Variants in C6 observed in about 807,000 individuals in gnomAD.
C6 encodes complement component C6.
C6 carries 101 observed loss-of-function variants against 112.9 expected under a neutral mutation model. The ratio of observed to expected loss-of-function variants is 0.89; its 90% CI spans 0.76 to 1.06. C6 has a LOEUF of 1.06. C6 is among the 50% of genes least tolerant of loss of function. The probability of loss-of-function intolerance (pLI) is 0.00; values close to 1 mark genes in which losing one functional copy is unlikely to be tolerated. For missense variants in C6, 1,202 were observed against 1,104.6 expected (o/e 1.09, Z -1.25); for synonymous variants, 431 against 384.1 (o/e 1.12, Z -1.43).
At chr5:41,224,084 C>T (rs1476615473) in intron 1 of C6, among the ~76,000 whole-genome samples, 1 of 152,128 alleles carries the variant, frequency 6.6e-6, no homozygotes, top group Non-Finnish European at 1.5e-5. Flanking sequence ...ATTTAAAGTG[C>T]ACGACATGAT....
At chr5:41,206,852 T>A (rs570399310) in intron 1 of C6, among the ~76,000 whole-genome samples, 1 of 152,258 alleles carries the variant, frequency 6.6e-6, no homozygotes, top group East Asian at 1.9e-4. Context: ...CAGGCCAACA[T>A]TCAAATTCAG....
At chr5:41,238,411 C>A (rs2150422066) in intron 1 of C6, among the ~76,000 whole-genome samples, 1 of 152,196 alleles carries the variant, frequency 6.6e-6, no homozygotes, top group Non-Finnish European at 1.5e-5. Context: ...ACAGAGCCTT[C>A]AGAAATAATG....
At position 41,149,615 on chromosome 5, in the gene C6, G is replaced by A; in HGVS notation, c.2382-133C>T. 2.6e-6 allele frequency: 3 copies of A among 1,137,210 alleles called. No homozygotes were observed. The South Asian group carries it at 3.8e-5, about 14-fold the overall frequency. 70.4% of individuals were successfully genotyped at this position (1,137,210 alleles called of 1,614,324 possible). ...TTTCCCCACCCCACTCCAAGCCCTGGGCTTGAGTGAGAGGAACAGGAAAGT... is the reference window on the plus strand; with the variant it reads ...TTTCCCCACCCCACTCCAAGCCCTGAGCTTGAGTGAGAGGAACAGGAAAGT... On this transcript the variant is annotated intron_variant, in intron 16 of 17. Coordinates refer to ENST00000337836, the MANE Select transcript of C6 (RefSeq NM_000065.5).
intron 1 of C6, among the ~76,000 whole-genome samples, chr5:41,227,266 T>C (rs1739574083): frequency 6.6e-6 from 1 of 152,160 alleles, no homozygotes; most frequent in Non-Finnish European, 1.5e-5. Context: ...TTTTGAGAAA[T>C]GTCTGTTCAG....
intron 1 of C6, among the ~76,000 whole-genome samples, chr5:41,206,107 G>C (rs937619115): frequency 6.6e-6 from 1 of 152,142 alleles, no homozygotes; most frequent in African/African-American, 2.4e-5. Context: ...AGGCAAACAG[G>C]GTCAGGAGTG....
intron 10 of C6, 121 bp downstream of exon 10, chr5:41,161,572 C>T: frequency 1.2e-6 from 1 of 848,124 alleles, no homozygotes; most frequent in Non-Finnish European, 2.0e-6. Flanking sequence ...TGCATGAATA[C>T]TAAAGAAAGG....
At chr5:41,251,063 C>T (rs1741327037) in intron 1 of C6, among the ~76,000 whole-genome samples, 1 of 152,076 alleles carries the variant, frequency 6.6e-6, no homozygotes, top group Admixed American at 6.6e-5. Context: ...CACAAATCAC[C>T]CATCTTGAGT....
At chr5:41,250,922 C>T (rs1286341298) in intron 1 of C6, among the ~76,000 whole-genome samples, 4 of 152,178 alleles carry the variant, frequency 2.6e-5, no homozygotes, top group South Asian at 2.1e-4. Context: ...ATGTTTAAAG[C>T]CTTTCAATAT....
In C6 at chr5:41,244,572, C is replaced by T. The variant is rs567411941; in HGVS notation, c.-21+16622G>A. Among the ~76,000 whole-genome samples, 9 of 152,292 alleles carry T rather than the reference C, an allele frequency of 5.9e-5. No individual in the cohort carries two copies. The South Asian group carries it at 6.2e-4, about 11-fold the overall frequency. ...TTGCTTCAATAACTACCTGCACAGA[C>T]GTGGCTCCCAAATTTATAATTCTAA... is the stretch of plus-strand genomic sequence containing the variant. On this transcript the variant is annotated intron_variant, in intron 1 of 17. Coordinates refer to the C6 transcript ENST00000263413.
At chr5:41,255,245 C>A (rs565823306) in intron 1 of C6, among the ~76,000 whole-genome samples, 1 of 151,918 alleles carries the variant, frequency 6.6e-6, no homozygotes, top group African/African-American at 2.4e-5. Context: ...CCTGTAATCC[C>A]AGCTACTCGG....
At chr5:41,180,047 TGATGTTTAA>T (rs1580126493) in intron 7 of C6, among the ~76,000 whole-genome samples, 1 of 152,164 alleles carries the variant, frequency 6.6e-6, no homozygotes, top group East Asian at 1.9e-4. Context: ...ATCTGCAAAA[TGATGTTTAA>T]ATATTGACTC....
At chr5:41,169,936 A>T (rs1355768467) in intron 9 of C6, among the ~76,000 whole-genome samples, 1 of 152,148 alleles carries the variant, frequency 6.6e-6, no homozygotes, top group Non-Finnish European at 1.5e-5. Context: ...GAATTATTCC[A>T]ATTGGTTTTT....
At chr5:41,152,846 G>C (rs3792910) in intron 15 of C6, 43,766 of 152,164 alleles carry the variant, frequency 0.29, 7,184 homozygotes, top group Non-Finnish European at 0.38. Context: ...ACACAGCCTT[G>C]CTCTATCACT....
At chr5:41,186,710 A>G (rs1469054836) in intron 5 of C6, among the ~76,000 whole-genome samples, 12 of 152,002 alleles carry the variant, frequency 7.9e-5, no homozygotes, top group Admixed American at 6.6e-4. Context: ...ACAAATGCTT[A>G]TATACTATTT....
intron 5 of C6, among the ~76,000 whole-genome samples, chr5:41,191,432 T>C (rs1202074291): frequency 6.6e-6 from 1 of 152,212 alleles, no homozygotes; most frequent in Non-Finnish European, 1.5e-5. Flanking sequence ...TAGAGCTTTG[T>C]TTCTATTGCT....
chr5:41,196,984 G>A (rs753020194), intron 4 of C6, among the ~76,000 whole-genome samples: 1 of 152,078 alleles, frequency 6.6e-6, no homozygotes, highest in African/African-American at 2.4e-5. Flanking sequence ...GTATGTACAG[G>A]TCCAACTGAC....
At chr5:41,163,351 C>T (rs946642100) in intron 9 of C6, among the ~76,000 whole-genome samples, 5 of 149,946 alleles carry the variant, frequency 3.3e-5, no homozygotes, top group South Asian at 2.1e-4. Context: ...CTCGCTCTGC[C>T]GCCCAGGCTG....
chr5:41,210,156 C>G (rs1580201401), intron 1 of C6, among the ~76,000 whole-genome samples: 1 of 152,296 alleles, frequency 6.6e-6, no homozygotes, highest in East Asian at 1.9e-4. Flanking sequence ...GGAAAACTGG[C>G]TAGCCATATG....
At chr5:41,144,892 A>G (rs2150216509) in intron 17 of C6, among the ~76,000 whole-genome samples, 1 of 152,296 alleles carries the variant, frequency 6.6e-6, no homozygotes, top group East Asian at 1.9e-4. Flanking sequence ...AGCTCCATCC[A>G]TGTTGCTGCA....
Sources: allele counts gnomAD v4.1 joint callset (sites outside exome capture counted in the v4.1 genomes callset), GRCh38; gene constraint gnomAD v4.1.1; transcripts MANE v1.5; gene names NCBI Gene and HGNC (gene_info 2026-07-23, HGNC 2026-07-21).